ZFP82: variants seen among roughly 807,000 people sequenced by gnomAD.
ZFP82 encodes the protein zinc finger protein 82 homolog.
Under a neutral mutation model 54.0 loss-of-function variants are expected in ZFP82, and 30 were observed. That is an observed-to-expected ratio of 0.56 (90% CI 0.42 to 0.75). The LOEUF (loss-of-function observed/expected upper bound fraction) is 0.75, where lower values mean the gene tolerates loss of function less well. Among genes scored for constraint, ZFP82 ranks in the 30% least tolerant of loss-of-function variants. The pLI, the probability that ZFP82 is intolerant of heterozygous loss-of-function variation, is 0.00. For synonymous variants in ZFP82, 194 were observed against 209.5 expected, an observed-to-expected ratio of 0.93 and a Z score of 0.64; for missense variants, 500 against 636.8, an observed-to-expected ratio of 0.79 and a Z score of 2.31.
chr19:36,402,468 CAAAAA>C (rs377338348), intron 4 of ZFP82, among the ~76,000 whole-genome samples: 64 of 57,448 alleles, frequency 1.1e-3, no homozygotes, highest in African/African-American at 4.6e-3. Context: ...GACTCCATCT[CAAAAA>C]AAAAAAAAAA....
At chr19:36,386,927 T>C (rs900405783), downstream of ZFP82, among the ~76,000 whole-genome samples, 3 of 152,192 alleles carry the variant, frequency 2.0e-5, no homozygotes, top group African/African-American at 7.2e-5. Context: ...AGAGCGAGAC[T>C]CCGTCTCAAA....
At chr19:36,388,317 T>C (rs2032138917), downstream of ZFP82, among the ~76,000 whole-genome samples, 1 of 152,198 alleles carries the variant, frequency 6.6e-6, no homozygotes, top group Non-Finnish European at 1.5e-5. Flanking sequence ...TAATTTTATA[T>C]TGGGATATTT....
intron 4 of ZFP82, among the ~76,000 whole-genome samples, chr19:36,396,295 TC>T (rs1443501437): frequency 6.6e-6 from 1 of 152,038 alleles, no homozygotes; most frequent in Non-Finnish European, 1.5e-5. Context: ...GGCAGGAAGA[TC>T]TCTTCAGCCC....
chr19:36,393,157 C>A lies in ZFP82; in HGVS notation c.1183G>T (p.Glu395Ter), dbSNP rs1292048626. Residue 395 changes from glutamate to a stop codon, truncating the protein, a stop_gained, in exon 5 of 5, where the codon GAA (glutamate) becomes TAA (stop). Transcript: ENST00000392161. LOFTEE classifies it high-confidence loss of function. Reference sequence around the variant, plus strand: ...AAGGCTTTCCAGCATTCCTTACATTCGTAAGGTTTTTCACCAGTATGAATT... The same window carrying A: ...AAGGCTTTCCAGCATTCCTTACATTAGTAAGGTTTTTCACCAGTATGAATT... The part of the protein sequence containing the change: ...HRIHTGEKPY[E>*]CKECWKAFSR... The A allele has an allele frequency of 6.2e-7, 1 of 1,613,822 alleles. No homozygotes were observed. Among genetic ancestry groups the A allele is most frequent in the Non-Finnish European group, 8.5e-7 (1 of 1,179,916 alleles).
rs2032163912 is a variant in ZFP82, at chr19:36,389,787, C to G, written c.*2954G>C. On this transcript the variant is annotated 3_prime_UTR_variant, in exon 5 of 5. Transcript: ENST00000392161. ...GGCCTTGATCCTGGATAGGCTGCCCCTCCCAGGGCAAGCTAATGCATAGAT... is the reference window on the plus strand; with the variant it reads ...GGCCTTGATCCTGGATAGGCTGCCCGTCCCAGGGCAAGCTAATGCATAGAT... Among the ~76,000 whole-genome samples, 1 of 152,146 alleles carries G rather than the reference C, an allele frequency of 6.6e-6. No homozygotes were observed. The highest frequency in any genetic ancestry group is 6.5e-5 in the Admixed American group (1 of 15,274).
chr19:36,389,035 TTTTC>T lies in ZFP82; in HGVS notation c.*3702_*3705del, dbSNP rs1450715985. ...AAATAGTCTACAATTTCAGACTTGATTTTCTTTCTTTTTTTTTTTTTTTGAGATG... is the reference window on the plus strand; with the variant it reads ...AAATAGTCTACAATTTCAGACTTGATTTTCTTTTTTTTTTTTTTTGAGATG... On this transcript the variant is annotated 3_prime_UTR_variant, in exon 5 of 5. Coordinates refer to ENST00000392161, the MANE Select transcript of ZFP82 (RefSeq NM_133466.4). 4.7e-5 allele frequency among the ~76,000 whole-genome samples: 6 copies of T among 126,648 alleles called. No individual in the cohort carries two copies. The highest frequency in any genetic ancestry group is 9.4e-5 in the Admixed American group (1 of 10,682). The allele number at this position is 126,648 out of a possible 152,430, so 83.1% of individuals were successfully genotyped here. A position where few individuals can be genotyped will look rare whatever the true frequency, so the allele number is the denominator to read the frequency against.
intron 4 of ZFP82, among the ~76,000 whole-genome samples, chr19:36,401,458 TCTC>T (rs2032383186): frequency 6.6e-6 from 1 of 152,194 alleles, no homozygotes; most frequent in Non-Finnish European, 1.5e-5. Flanking sequence ...ACTCATTTCT[TCTC>T]CTTTTATATC....
At chr19:36,403,205 C>A (rs922087593) in intron 4 of ZFP82, among the ~76,000 whole-genome samples, 2 of 151,302 alleles carry the variant, frequency 1.3e-5, no homozygotes, top group African/African-American at 4.9e-5. Context: ...CACCTGTAAT[C>A]CCAGCTGCTC....
intron 3 of ZFP82, among the ~76,000 whole-genome samples, chr19:36,406,089 T>C (rs1312047137): frequency 1.3e-5 from 2 of 152,330 alleles, no homozygotes; most frequent in African/African-American, 4.8e-5. Context: ...TATCTAAACA[T>C]TGCCTAGAGT....
At position 36,393,308 on chromosome 19, in the gene ZFP82, C is replaced by T. The variant is rs768064797; in HGVS notation, c.1032G>A (p.Gly344=). 13 of 1,614,012 alleles carry T rather than the reference C, an allele frequency of 8.1e-6. No individual in the cohort carries two copies. The African/African-American group carries it at 1.5e-4, about 18-fold the overall frequency. Residue 344 remains glycine, a synonymous_variant, in exon 5 of 5, where the codon GGG becomes GGA. Coordinates refer to ENST00000392161, the MANE Select transcript of ZFP82 (RefSeq NM_133466.4). ...GEKPYECKEC[G]KAFRVRQQLT... ...GTTGTTGTCGCACTCTAAAGGCCTT[C>T]CCGCATTCCTTACATTCATAGGGTT...
chr19:36,417,167 C>T (rs1406708373), intron 1 of ZFP82, among the ~76,000 whole-genome samples: 1 of 151,300 alleles, frequency 6.6e-6, no homozygotes, highest in Non-Finnish European at 1.5e-5. Context: ...AAATACTCAC[C>T]ACAATTGGCT....
intron 3 of ZFP82, among the ~76,000 whole-genome samples, chr19:36,407,169 C>T (rs375762901): frequency 2.0e-5 from 3 of 149,116 alleles, no homozygotes; most frequent in Admixed American, 6.7e-5. Flanking sequence ...CTCCGCCTCC[C>T]GGGTTCACGC....
rs183138975 is a variant in ZFP82, at chr19:36,406,646, G to A, written c.137-974C>T. ...TTATTTATCCATTTATTTAGATAAT[G>A]TGAATAATGCTGCTGTGAATACTTA... On this transcript the variant is annotated intron_variant, in intron 3 of 4. Coordinates refer to ENST00000392161, the MANE Select transcript of ZFP82 (RefSeq NM_133466.4). Among the ~76,000 whole-genome samples the A allele has an allele frequency of 1.2e-4, 19 of 152,292 alleles. No individual in the cohort carries two copies. In the East Asian group the frequency reaches 3.7e-3, roughly 29 times the overall value.
chr19:36,411,150 C>A (rs537791141), intron 1 of ZFP82, among the ~76,000 whole-genome samples: 1 of 151,202 alleles, frequency 6.6e-6, no homozygotes, highest in Non-Finnish European at 1.5e-5. Context: ...GCCGAGATTG[C>A]GCCATTGCAC....
At chr19:36,398,241 T>C (rs2032328766) in intron 4 of ZFP82, among the ~76,000 whole-genome samples, 1 of 152,130 alleles carries the variant, frequency 6.6e-6, no homozygotes, top group Non-Finnish European at 1.5e-5. Context: ...GGGGTGTTTA[T>C]TACAAGAATG....
chr19:36,395,918 CAG>C (rs1181259254), intron 4 of ZFP82: 1 of 152,274 alleles, frequency 6.6e-6, no homozygotes. Flanking sequence ...TTTTTTGAGA[CAG>C]AGTCTCACTC....
At chr19:36,386,858 T>C (rs1187661715), downstream of ZFP82, among the ~76,000 whole-genome samples, 6 of 152,144 alleles carry the variant, frequency 3.9e-5, no homozygotes, top group Admixed American at 3.9e-4. Context: ...ATCGCTTGAA[T>C]CTGGAGACAG....
intron 1 of ZFP82, 141 bp from the exon 2 acceptor site, chr19:36,410,008 CAGAG>C (rs150965804): frequency 1.1e-4 from 56 of 497,810 alleles, no homozygotes; most frequent in East Asian, 2.5e-4. Context: ...CACACATAGG[CAGAG>C]AGAGAGAGAG....
chr19:36,406,882 A>T (rs1039293477), intron 3 of ZFP82, among the ~76,000 whole-genome samples: 5 of 152,128 alleles, frequency 3.3e-5, no homozygotes, highest in African/African-American at 1.2e-4. Flanking sequence ...GTCATTGTGG[A>T]ATTAGCAAAT....
Sources: allele counts gnomAD v4.1 joint callset (sites outside exome capture counted in the v4.1 genomes callset), GRCh38; gene constraint gnomAD v4.1.1; transcripts MANE v1.5; gene names NCBI Gene and HGNC (gene_info 2026-07-23, HGNC 2026-07-21).